The following FBXO36 variants were observed in gnomAD, a reference collection of about 807,000 sequenced individuals.
The protein encoded by FBXO36 is F-box protein 36.
Under a neutral mutation model 17.0 loss-of-function variants are expected in FBXO36, and 18 were observed. That is an observed-to-expected ratio of 1.06 (90% CI 0.73 to 1.57). The LOEUF (loss-of-function observed/expected upper bound fraction) is 1.57, where lower values mean the gene tolerates loss of function less well. FBXO36 is among the 40% of genes most tolerant of loss of function. The pLI, the probability that FBXO36 is intolerant of heterozygous loss-of-function variation, is 0.00. For missense variants in FBXO36, 229 were observed against 221.9 expected, an observed-to-expected ratio of 1.03 and a Z score of -0.20; for synonymous variants, 83 against 85.3, an observed-to-expected ratio of 0.97 and a Z score of 0.15.
intron 2 of FBXO36, among the ~76,000 whole-genome samples, chr2:229,991,350 T>C (rs374438913): frequency 6.6e-6 from 1 of 152,146 alleles, no homozygotes; most frequent in African/African-American, 2.4e-5. Flanking sequence ...AACCCCTGAC[T>C]CCCAGTGTAC....
At chr2:229,986,585 A>G (rs1305341101) in intron 2 of FBXO36, among the ~76,000 whole-genome samples, 1 of 147,848 alleles carries the variant, frequency 6.8e-6, no homozygotes, top group Non-Finnish European at 1.5e-5. Flanking sequence ...CCTAGGCTGG[A>G]GTGCAGTGGT....
At chr2:229,987,106 G>C (rs1201368369) in intron 2 of FBXO36, among the ~76,000 whole-genome samples, 1 of 151,304 alleles carries the variant, frequency 6.6e-6, no homozygotes, top group Non-Finnish European at 1.5e-5. Flanking sequence ...TGTAATCCCA[G>C]CTACTTGGGA....
chr2:229,994,543 C>G (rs2077315011), intron 2 of FBXO36, among the ~76,000 whole-genome samples: 1 of 152,200 alleles, frequency 6.6e-6, no homozygotes, highest in Admixed American at 6.5e-5. Context: ...GATCACAGTT[C>G]CGCCTGCTTC....
chr2:229,954,234 A>ATTTTTTTTTTTGTTTTTTTTTTT (rs2077072492), intron 1 of FBXO36, among the ~76,000 whole-genome samples: 1 of 71,378 alleles, frequency 1.4e-5, no homozygotes, highest in African/African-American at 4.9e-5. Context: ...AACCCTTTGG[A>ATTTTTTTTTTTGTTTTTTTTTTT]TTTTTTTTTT....
At chr2:229,922,636 TCTC>T in intron 1 of FBXO36, 27 bp downstream of exon 1, 1 of 1,610,516 alleles carries the variant, frequency 6.2e-7, no homozygotes, top group Non-Finnish European at 8.5e-7. Context: ...GTTTACCCTC[TCTC>T]CTAACTCCCT....
intron 1 of FBXO36, among the ~76,000 whole-genome samples, chr2:229,973,651 G>T (rs1577349333): frequency 6.6e-6 from 1 of 151,698 alleles, no homozygotes; most frequent in African/African-American, 2.4e-5. Flanking sequence ...AACCCGGGAG[G>T]CGGAGGGTGC....
intron 1 of FBXO36, among the ~76,000 whole-genome samples, chr2:229,964,547 T>C (rs2077140895): frequency 6.6e-6 from 1 of 152,226 alleles, no homozygotes; most frequent in Non-Finnish European, 1.5e-5. Context: ...TGAGACGGAG[T>C]CTCGCTCTGT....
chr2:229,939,366 A>G (rs2076985145), intron 1 of FBXO36: 3 of 596,046 alleles, frequency 5.0e-6, no homozygotes, highest in South Asian at 7.3e-5. Context: ...CTCCTGTCTA[A>G]AACTGTATTA....
chr2:229,946,136 G>A (rs2077026137), intron 1 of FBXO36, among the ~76,000 whole-genome samples: 1 of 152,122 alleles, frequency 6.6e-6, no homozygotes, highest in Non-Finnish European at 1.5e-5. Context: ...GGAAGCGGAA[G>A]CAGGTACCTG....
At chr2:229,974,520 G>GA (rs1360011370) in intron 1 of FBXO36, among the ~76,000 whole-genome samples, 3 of 152,168 alleles carry the variant, frequency 2.0e-5, no homozygotes, top group African/African-American at 7.2e-5. Flanking sequence ...TTGATGAAAT[G>GA]AATGGTATGC....
intron 1 of FBXO36, among the ~76,000 whole-genome samples, chr2:229,967,658 C>G (rs543596778): frequency 6.6e-6 from 1 of 152,108 alleles, no homozygotes; most frequent in Non-Finnish European, 1.5e-5. Context: ...GTCTTTGGTT[C>G]TGTTTATGTG....
intron 1 of FBXO36, among the ~76,000 whole-genome samples, chr2:229,933,636 G>A (rs992749486): frequency 3.9e-5 from 6 of 152,162 alleles, no homozygotes; most frequent in Admixed American, 1.3e-4. Context: ...GAGGCAGAAA[G>A]CTTGAGCTCA....
intron 1 of FBXO36, among the ~76,000 whole-genome samples, chr2:229,950,118 C>T (rs2077049562): frequency 6.6e-6 from 1 of 152,040 alleles, no homozygotes; most frequent in Non-Finnish European, 1.5e-5. Context: ...GCAGTGAGAC[C>T]AGGAGCTTGC....
intron 2 of FBXO36, among the ~76,000 whole-genome samples, chr2:229,978,355 G>T (rs2077220928): frequency 6.6e-6 from 1 of 151,612 alleles, no homozygotes; most frequent in Non-Finnish European, 1.5e-5. Flanking sequence ...GGCCAAGGTG[G>T]GCAGATCACC....
intron 1 of FBXO36, among the ~76,000 whole-genome samples, chr2:229,972,741 A>T (rs2077187139): frequency 6.6e-6 from 1 of 152,030 alleles, no homozygotes; most frequent in African/African-American, 2.4e-5. Context: ...TTTTACTGTC[A>T]TAATTCAGCT....
chr2:229,926,503 T>G (rs1219638899), intron 1 of FBXO36, among the ~76,000 whole-genome samples: 4 of 150,924 alleles, frequency 2.7e-5, no homozygotes, highest in East Asian at 4.0e-4. Context: ...TCCAGCATTT[T>G]GGGAGCCTGA....
In FBXO36 at chr2:229,976,483, A is replaced by T. The variant is rs1025918512; in HGVS notation, c.205+134A>T. The T allele has an allele frequency of 8.5e-5, 54 of 633,930 alleles. No homozygotes were observed. The South Asian group carries it at 1.1e-3, about 13-fold the overall frequency. The allele number at this position is 633,930 out of a possible 1,614,324, so 39.3% of individuals were successfully genotyped here. A position where few individuals can be genotyped will look rare whatever the true frequency, so the allele number is the denominator to read the frequency against. ...TATGTACTTACATATACAATGTTAG[A>T]TTCTTAAAAACTAGAAAACTGTTGT... On this transcript the variant is annotated intron_variant, in intron 2 of 3. Transcript: ENST00000283946.
chr2:229,925,608 C>G (rs1418058845), intron 1 of FBXO36, among the ~76,000 whole-genome samples: 2 of 152,040 alleles, frequency 1.3e-5, no homozygotes, highest in Admixed American at 6.6e-5. Context: ...ATGAATCCTT[C>G]TTTCATGCTG....
At chr2:229,948,243 A>G (rs570382983) in intron 1 of FBXO36, among the ~76,000 whole-genome samples, 1 of 151,990 alleles carries the variant, frequency 6.6e-6, no homozygotes, top group South Asian at 2.1e-4. Context: ...GGAGAAATGT[A>G]CATCATTGAT....
Sources: allele counts gnomAD v4.1 joint callset (sites outside exome capture counted in the v4.1 genomes callset), GRCh38; gene constraint gnomAD v4.1.1; transcripts MANE v1.5; gene names NCBI Gene and HGNC (gene_info 2026-07-23, HGNC 2026-07-21).